MYO1C: variants seen among roughly 807,000 people sequenced by gnomAD.
MYO1C encodes the protein unconventional myosin-Ic.
A neutral mutation model predicts 150.8 loss-of-function variants in MYO1C; 104 were observed. The observed-to-expected ratio is 0.69, with a 90% CI of 0.59 to 0.81. The LOEUF (loss-of-function observed/expected upper bound fraction) is 0.81. Among genes scored for constraint, MYO1C ranks in the 30% least tolerant of loss-of-function variants. The pLI, the probability that MYO1C is intolerant of heterozygous loss-of-function variation, is 0.00. For missense variants in MYO1C, 1,504 were observed against 1,435.0 expected (o/e 1.05, Z -0.78); for synonymous variants, 663 against 579.9 (o/e 1.14, Z -2.06).
At chr17:1,489,608 A>C (rs938640090) in intron 1 of MYO1C, among the ~76,000 whole-genome samples, 5 of 152,212 alleles carry the variant, frequency 3.3e-5, no homozygotes, top group African/African-American at 1.2e-4. Flanking sequence ...TGAGCCCAAG[A>C]GGTTGAGGCT....
Position 1,471,079 on chromosome 17 carries a change from T to G in MYO1C, c.2204A>C (p.Gln735Pro), listed in dbSNP as rs1158143987. Residue 735 changes from glutamine to proline, a missense_variant, in exon 21 of 32, where the codon CAG (glutamine) becomes CCG (proline). Transcript: ENST00000648651. ...GTAGGCCTCTCTCTCACCCAGGCTC[T>G]GCCGCCGGACCTCCAGGGCATCCTC... ...ATEDALEVRRQSLATKIQAAW... is the reference protein window; with the variant it reads ...ATEDALEVRRPSLATKIQAAW... 3 of 1,614,074 alleles carry G rather than the reference T, an allele frequency of 1.9e-6. No individual in the cohort carries two copies. In the East Asian group the frequency reaches 6.7e-5, roughly 36 times the overall value.
intron 17 of MYO1C, among the ~76,000 whole-genome samples, chr17:1,473,992 T>C (rs147710720): frequency 0.011 from 1,711 of 151,694 alleles, 21 homozygotes; most frequent in Middle Eastern, 0.027. Flanking sequence ...GCTGAGTGGG[T>C]AGACACATGA....
At chr17:1,481,150 A>G (rs2150957261) in intron 5 of MYO1C, 1 of 508,730 alleles carries the variant, frequency 2.0e-6, no homozygotes, top group Non-Finnish European at 3.6e-6. Context: ...CTGAAGCTCA[A>G]CACCGGACCT....
chr17:1,485,369 T>TCAG, intron 1 of MYO1C: 12 of 1,095,704 alleles, frequency 1.1e-5, no homozygotes, highest in Non-Finnish European at 1.3e-5. Context: ...GCCGGGGGCC[T>TCAG]GCCCCTCCCA....
chr17:1,478,120 C>T lies in MYO1C; in HGVS notation c.1368G>A (p.Ser456=), dbSNP rs375453758. ...QQLFIELTLK[S]EQEEYEAEGI... is the part of the protein sequence containing the mutation. ...CCTCTGCCTCGTACTCCTCCTGCTCCGACTTGAGCGTGAGCTCGATGAAGA... is the reference window on the plus strand; with the variant it reads ...CCTCTGCCTCGTACTCCTCCTGCTCTGACTTGAGCGTGAGCTCGATGAAGA... The change falls in exon 12 of 32, where the codon TCG becomes TCA. Residue 456 remains serine, a synonymous_variant. Coordinates refer to ENST00000648651, the MANE Select transcript of MYO1C (RefSeq NM_001080779.2). This position sits in a 1 kb window ranked among gnomAD's most constrained non-coding sequence, Gnocchi z 6.3. 1.7e-5 allele frequency: 27 copies of T among 1,614,004 alleles called. 1 individual carries two copies. Among genetic ancestry groups the T allele is most frequent in the South Asian group, 1.2e-4 (11 of 91,096 alleles).
At chr17:1,485,024 C>A in intron 1 of MYO1C, 1 of 1,036,386 alleles carries the variant, frequency 9.6e-7, no homozygotes, top group Non-Finnish European at 1.3e-6. Flanking sequence ...GGCCCTCCCT[C>A]GCATGGCTGG....
chr17:1,469,693 T>G lies in MYO1C; in HGVS notation c.2527-79A>C, dbSNP rs9303175. On this transcript the variant is annotated intron_variant, in intron 24 of 31. Transcript: ENST00000648651. Reference sequence around the variant, plus strand: ...AAGACATCGAACATATGCTACTGCATCCTTTGGATAAGTAACACCCCCTCC... The same window carrying G: ...AAGACATCGAACATATGCTACTGCAGCCTTTGGATAAGTAACACCCCCTCC... 739,666 of 1,158,510 alleles carry G rather than the reference T, an allele frequency of 0.64. 238,382 individuals carry two copies. The highest frequency in any genetic ancestry group is 0.66 in the South Asian group (50,471 of 76,842). 71.8% of individuals were successfully genotyped at this position (1,158,510 alleles called of 1,614,324 possible).
At chr17:1,491,828 G>C (rs1411336525) in intron 1 of MYO1C, 3 of 255,780 alleles carry the variant, frequency 1.2e-5, no homozygotes, top group African/African-American at 2.3e-5. Flanking sequence ...CCCGTTCCCG[G>C]GGCCACAGCG....
At chr17:1,484,071 C>T in intron 2 of MYO1C, 77 bp downstream of exon 2, 1 of 1,577,748 alleles carries the variant, frequency 6.3e-7, no homozygotes, top group Non-Finnish European at 8.6e-7. Flanking sequence ...TCCCGGTGAC[C>T]CTTGGTGTCT....
At chr17:1,484,387 G>C in intron 1 of MYO1C, 84 bp from the exon 2 acceptor site, 3 of 1,528,336 alleles carry the variant, frequency 2.0e-6, no homozygotes, top group Non-Finnish European at 2.7e-6. Flanking sequence ...GACTGAGAGG[G>C]AACGTAGGGG....
At position 1,468,264 on chromosome 17, in the gene MYO1C, C is replaced by T. The variant is rs1259748554; in HGVS notation, c.2749G>A (p.Glu917Lys). 2 of 1,613,584 alleles carry T rather than the reference C, an allele frequency of 1.2e-6. No individual in the cohort carries two copies. Among genetic ancestry groups the T allele is most frequent in the Non-Finnish European group, 1.7e-6 (2 of 1,179,998 alleles). Residue 917 changes from glutamate to lysine, a missense_variant, in exon 27 of 32, where the codon GAG (glutamate) becomes AAG (lysine). Glu to Lys is a moderately conservative substitution (Grantham distance 56). Transcript: ENST00000648651. ...AGGCAGGCTCTTACCTGAATGGGCT[C>T]AGAGCCCAAGGCCTGCAGCACTCGG... Reference protein sequence around the residue: ...SPRVLQALGSEPIQYAVPVVK... With the variant: ...SPRVLQALGSKPIQYAVPVVK...
chr17:1,481,648 A>C (rs902153086), intron 5 of MYO1C, among the ~76,000 whole-genome samples: 8 of 151,052 alleles, frequency 5.3e-5, no homozygotes, highest in Middle Eastern at 3.4e-3. Context: ...CAACAGGCAC[A>C]CACCACCGTG....
Position 1,474,859 on chromosome 17 carries a change from CTGGGAGGGGAGAACCGACG to C in MYO1C, c.1670-20_1670-2del, listed in dbSNP as rs1252504728. On this transcript the variant is annotated splice_acceptor_variant and splice_polypyrimidine_tract_variant and intron_variant, in intron 15 of 31. Transcript: ENST00000648651. LOFTEE classifies it high-confidence loss of function. ...AGGTCATTGTTTTTGTCCAGAAACC[CTGGGAGGGGAGAACCGACG>C]TGAGGTGAGACAGAGCCTCCCCGCA... The C allele has an allele frequency of 6.2e-7, 1 of 1,613,980 alleles. No homozygotes were observed. Among genetic ancestry groups the C allele is most frequent in the Non-Finnish European group, 8.5e-7 (1 of 1,179,996 alleles).
intron 1 of MYO1C, among the ~76,000 whole-genome samples, chr17:1,486,521 C>G (rs1180596498): frequency 1.1e-5 from 1 of 92,472 alleles, no homozygotes; most frequent in Non-Finnish European, 2.1e-5. Context: ...CTTTTTTTTT[C>G]TGTTTTTTTT....
At chr17:1,477,394 C>A in intron 14 of MYO1C, 111 bp downstream of exon 14, 1 of 987,844 alleles carries the variant, frequency 1.0e-6, no homozygotes, top group East Asian at 2.5e-5. Context: ...CAGCACCGTC[C>A]CTGGTCACCT....
chr17:1,487,596 C>T (rs1305036784), intron 1 of MYO1C, among the ~76,000 whole-genome samples: 1 of 152,110 alleles, frequency 6.6e-6, no homozygotes, highest in African/African-American at 2.4e-5. Flanking sequence ...CGGGAGGAGA[C>T]GCCCGCTGCG....
chr17:1,484,140 G>T lies in MYO1C; in HGVS notation c.231+8C>A. 1 of 1,612,658 alleles carries T rather than the reference G, an allele frequency of 6.2e-7. No individual in the cohort carries two copies. Among genetic ancestry groups the T allele is most frequent in the Non-Finnish European group, 8.5e-7 (1 of 1,180,012 alleles). On this transcript the variant is annotated splice_region_variant and intron_variant, in intron 2 of 31. Transcript: ENST00000648651. ...AGCACCCCTGCCATCTCCCCACAAG[G>T]GCCTCACGTAGATGAGATTCTCCCG...
intron 1 of MYO1C, among the ~76,000 whole-genome samples, chr17:1,486,541 G>A (rs1313329889): frequency 2.0e-5 from 3 of 151,020 alleles, no homozygotes; most frequent in Non-Finnish European, 4.4e-5. Flanking sequence ...TTTGAGACGG[G>A]GTCTTGCGCT....
rs765870158 is a variant in MYO1C, at chr17:1,471,059, C to T, written c.2212+12G>A. The T allele has an allele frequency of 6.2e-7, 1 of 1,613,222 alleles. No homozygotes were observed. Among genetic ancestry groups the T allele is most frequent in the Non-Finnish European group, 8.5e-7 (1 of 1,179,372 alleles). On this transcript the variant is annotated intron_variant, in intron 21 of 31. Transcript: ENST00000648651. ...GACCCCGTGCAGCAGGAAGGGTAGGCCTCTCTCTCACCCAGGCTCTGCCGC... is the reference window on the plus strand; with the variant it reads ...GACCCCGTGCAGCAGGAAGGGTAGGTCTCTCTCTCACCCAGGCTCTGCCGC...
Sources: gnomAD v4.1 joint callset for allele counts (sites outside exome capture counted in the v4.1 genomes callset) on GRCh38, gnomAD v4.1.1 for gene constraint, Gnocchi (gnomAD v3.1) non-coding constraint, MANE v1.5 for transcripts, NCBI Gene and HGNC (gene_info 2026-07-23, HGNC 2026-07-21) for gene names.